EXT2: variants seen among roughly 807,000 people sequenced by gnomAD.
EXT2 encodes the protein exostosin-2.
EXT2 carries 53 observed loss-of-function variants against 81.6 expected under a neutral mutation model. That is an observed-to-expected ratio of 0.65 (90% CI 0.52 to 0.82). EXT2 has a LOEUF of 0.82. Among genes scored for constraint, EXT2 ranks in the 40% least tolerant of loss-of-function variants. EXT2 has a pLI of 0.00. For synonymous variants in EXT2, 320 were observed against 340.0 expected (o/e 0.94, Z 0.65); for missense variants, 774 against 910.2 (o/e 0.85, Z 1.93).
intron 4 of EXT2, among the ~76,000 whole-genome samples, chr11:44,115,717 T>C (rs1473761167): frequency 3.9e-5 from 6 of 152,208 alleles, no homozygotes; most frequent in Admixed American, 2.6e-4. Context: ...TTAGAAACCT[T>C]TGTGGACTCT....
At chr11:44,105,989 C>T (rs992522205) in intron 1 of EXT2, among the ~76,000 whole-genome samples, 1 of 152,184 alleles carries the variant, frequency 6.6e-6, no homozygotes, top group African/African-American at 2.4e-5. Flanking sequence ...CTGAGATCTC[C>T]GTGTCCACTG....
Position 44,115,024 on chromosome 11 carries a change from T to C in EXT2, c.743+723T>C, listed in dbSNP as rs140911355. ...TTCAGCTTGAAACCACCTTCTGGGA[T>C]GGGGTGGAGGGGGTACCTTCTTGGC... On this transcript the variant is annotated intron_variant, in intron 4 of 13. Coordinates refer to ENST00000533608, the MANE Select transcript of EXT2 (RefSeq NM_207122.2). Among the ~76,000 whole-genome samples, 641 of 152,282 alleles carry C rather than the reference T, an allele frequency of 4.2e-3. 2 individuals carry two copies. The highest frequency in any genetic ancestry group is 0.015 in the African/African-American group (604 of 41,576).
intron 10 of EXT2, among the ~76,000 whole-genome samples, chr11:44,223,442 T>C (rs1955803426): frequency 6.6e-6 from 1 of 152,168 alleles, no homozygotes; most frequent in Non-Finnish European, 1.5e-5. Context: ...TGGTATATTA[T>C]TCATCCATAA....
At chr11:44,223,505 AT>A (rs1441240782) in intron 10 of EXT2, among the ~76,000 whole-genome samples, 1 of 152,194 alleles carries the variant, frequency 6.6e-6, no homozygotes, top group Non-Finnish European at 1.5e-5. Flanking sequence ...CCAGGGAATT[AT>A]GCTGAGTGAA....
At chr11:44,139,064 G>A (rs1184721198) in intron 7 of EXT2, among the ~76,000 whole-genome samples, 1 of 151,220 alleles carries the variant, frequency 6.6e-6, no homozygotes, top group East Asian at 1.9e-4. Flanking sequence ...TATTCCTGTG[G>A]GTTCTGGTGT....
At chr11:44,166,552 A>G (rs1001469376) in intron 7 of EXT2, among the ~76,000 whole-genome samples, 1 of 152,182 alleles carries the variant, frequency 6.6e-6, no homozygotes, top group African/African-American at 2.4e-5. Flanking sequence ...CTTTCTTCTT[A>G]TTAGTTAGTG....
rs1042194226 is a variant in EXT2 at position 44,247,537 on chromosome 11, T to A, written c.*3250T>A. On this transcript the variant is annotated 3_prime_UTR_variant, in exon 14 of 14. Transcript: ENST00000533608. Reference sequence around the variant, plus strand: ...AAAGTGCTGGGATTACGGGCGTGAGTCCCCACGCTCAGCCACTGTATCCTT... The same window carrying A: ...AAAGTGCTGGGATTACGGGCGTGAGACCCCACGCTCAGCCACTGTATCCTT... Among the ~76,000 whole-genome samples the A allele has an allele frequency of 3.9e-5, 6 of 152,084 alleles. No homozygotes were observed. Among genetic ancestry groups the A allele is most frequent in the Non-Finnish European group, 5.9e-5 (4 of 68,010 alleles).
chr11:44,234,044 G>A lies in EXT2; in HGVS notation c.1807-71G>A, dbSNP rs1554940806. 8.1e-6 allele frequency: 13 copies of A among 1,608,356 alleles called. No individual in the cohort carries two copies. The South Asian group carries it at 1.4e-4, about 18-fold the overall frequency. On this transcript the variant is annotated intron_variant, in intron 11 of 13. Transcript: ENST00000533608. ...AAGCTTGTCCCCATGCCTTGGCTAT[G>A]CTGCCCCTTATTTATCAGCTAAAGG...
intron 13 of EXT2, among the ~76,000 whole-genome samples, chr11:44,239,906 C>T (rs11825667): frequency 0.01 from 1,525 of 152,144 alleles, 27 homozygotes; most frequent in African/African-American, 0.034. Flanking sequence ...TTCACGCATG[C>T]GCAAGTCCAT....
At position 44,126,671 on chromosome 11, in the gene EXT2, G is replaced by A. The variant is rs1274875464; in HGVS notation, c.940-145G>A. 4 of 888,400 alleles carry A rather than the reference G, an allele frequency of 4.5e-6. No individual in the cohort carries two copies. In the East Asian group the frequency reaches 7.3e-5, roughly 16 times the overall value. The allele number at this position is 888,400 out of a possible 1,614,324, so 55.0% of individuals were successfully genotyped here. A position where few individuals can be genotyped will look rare whatever the true frequency, so the allele number is the denominator to read the frequency against. On this transcript the variant is annotated intron_variant, in intron 5 of 13. Coordinates refer to ENST00000533608, the MANE Select transcript of EXT2 (RefSeq NM_207122.2). The stretch of plus-strand genomic sequence containing the variant: ...AACTTTTCAAGTTTTACAGGTGTGA[G>A]CTGTTGTCTTTTGGCATTTTTGTGT...
At chr11:44,102,022 A>C (rs556455268) in intron 1 of EXT2, among the ~76,000 whole-genome samples, 48 of 151,616 alleles carry the variant, frequency 3.2e-4, no homozygotes, top group Non-Finnish European at 5.3e-4. Context: ...AAAAATCACT[A>C]TCTCTCCCCT....
chr11:44,106,826 G>A (rs529883486), intron 1 of EXT2, among the ~76,000 whole-genome samples: 1 of 152,254 alleles, frequency 6.6e-6, no homozygotes, highest in South Asian at 2.1e-4. Flanking sequence ...GACGGGTTTT[G>A]CCATGTTGGC....
At chr11:44,173,048 A>G (rs112004508) in intron 8 of EXT2, among the ~76,000 whole-genome samples, 5 of 152,346 alleles carry the variant, frequency 3.3e-5, no homozygotes, top group African/African-American at 1.2e-4. Context: ...AGAAAAAAGA[A>G]GACAGTTCCT....
intron 6 of EXT2, among the ~76,000 whole-genome samples, chr11:44,128,206 G>T (rs1474851382): frequency 6.6e-6 from 1 of 152,056 alleles, no homozygotes; most frequent in East Asian, 1.9e-4. Context: ...TAGAGTCTCT[G>T]TTTCCAAGGA....
chr11:44,125,379 G>A (rs1414403520), intron 5 of EXT2, among the ~76,000 whole-genome samples: 2 of 152,156 alleles, frequency 1.3e-5, no homozygotes, highest in African/African-American at 4.8e-5. Flanking sequence ...CTGGCCTACA[G>A]AGCCACAGTG....
chr11:44,214,214 C>G (rs971190384), intron 10 of EXT2, among the ~76,000 whole-genome samples: 1 of 152,034 alleles, frequency 6.6e-6, no homozygotes, highest in Non-Finnish European at 1.5e-5. Flanking sequence ...CCCGGGTTCA[C>G]GCCATTCTTC....
At position 44,171,663 on chromosome 11, in the gene EXT2, C is replaced by G. The variant is rs1279920600; in HGVS notation, c.1226C>G (p.Ala409Gly). 1.5e-5 allele frequency: 24 copies of G among 1,614,122 alleles called. No individual in the cohort carries two copies. The highest frequency in any genetic ancestry group is 2.0e-5 in the Non-Finnish European group (24 of 1,180,004). The change falls in exon 8 of 14, where the codon GCC (alanine) becomes GGC (glycine). Residue 409 changes from alanine (A) to glycine (G), a missense_variant. By Grantham distance (60) the Ala-to-Gly change is moderately conservative. Transcript: ENST00000533608. ...CAGTCAATTAAAGCCATTGCCCTGG[C>G]CACCCTGCAGATTATCAATGACCGG... ...YFQSIKAIALATLQIINDRIY... is the reference protein window; with the variant it reads ...YFQSIKAIALGTLQIINDRIY...
intron 10 of EXT2, among the ~76,000 whole-genome samples, chr11:44,219,673 A>G (rs984814279): frequency 2.2e-4 from 34 of 152,262 alleles, no homozygotes; most frequent in African/African-American, 8.2e-4. Context: ...GTCTCTGCAG[A>G]AGGGTTTTTC....
intron 8 of EXT2, among the ~76,000 whole-genome samples, chr11:44,180,443 A>C (rs956380876): frequency 2.6e-5 from 4 of 152,178 alleles, no homozygotes; most frequent in African/African-American, 9.7e-5. Context: ...AGAGCTAATA[A>C]ATGCCTGTTG....
Sources: allele counts gnomAD v4.1 joint callset (sites outside exome capture counted in the v4.1 genomes callset), GRCh38; gene constraint gnomAD v4.1.1; transcripts MANE v1.5; gene names NCBI Gene and HGNC (gene_info 2026-07-23, HGNC 2026-07-21).